FAS: variants seen among roughly 807,000 people sequenced by gnomAD.
FAS encodes Fas cell surface death receptor.
FAS carries 5 observed loss-of-function variants against 33.2 expected under a neutral mutation model. The ratio of observed to expected loss-of-function variants is 0.15; its 90% CI spans 0.08 to 0.32. The LOEUF (loss-of-function observed/expected upper bound fraction) is 0.32. Ranked by LOEUF, FAS falls within the 10% of genes least tolerant of loss-of-function variation. The pLI, the probability that FAS is intolerant of heterozygous loss-of-function variation, is 1.00. For synonymous variants in FAS, 131 were observed against 130.7 expected (o/e 1.00, Z -0.01); for missense variants, 339 against 386.0 (o/e 0.88, Z 1.02).
Position 89,004,381 on chromosome 10 carries a change from A to G in FAS, c.196+1187A>G, listed in dbSNP as rs1787797127. 3.3e-5 allele frequency among the ~76,000 whole-genome samples: 5 copies of G among 152,246 alleles called. No homozygotes were observed. In the South Asian group the frequency reaches 1.0e-3, roughly 32 times the overall value. On this transcript the variant is annotated intron_variant, in intron 2 of 8. Coordinates refer to ENST00000652046, the MANE Select transcript of FAS (RefSeq NM_000043.6). Reference sequence around the variant, plus strand: ...TTTTTAACTTTTTTTTCTTATTATTATACTTTAAGTTTTAGGGTACACATG... The same window carrying G: ...TTTTTAACTTTTTTTTCTTATTATTGTACTTTAAGTTTTAGGGTACACATG...
Position 89,003,251 on chromosome 10 carries a change from A to C in FAS, c.196+57A>C. On this transcript the variant is annotated intron_variant, in intron 2 of 8. Coordinates refer to ENST00000652046, the MANE Select transcript of FAS (RefSeq NM_000043.6). ...TGAAAGTCACAGTTAGGAGTAGCAC[A>C]TAGTAATCATGACTATAATAATTTT... The C allele has an allele frequency of 6.3e-6, 10 of 1,591,372 alleles. No individual in the cohort carries two copies. In the South Asian group the frequency reaches 8.9e-5, roughly 14 times the overall value.
chr10:88,969,836 G>T (rs1846392427), intron 1 of FAS, among the ~76,000 whole-genome samples: 1 of 152,174 alleles, frequency 6.6e-6, no homozygotes. Flanking sequence ...TCATATCCCA[G>T]TATCTAGCAC....
exon 2 of FAS, chr10:88,973,279 T>C: frequency 1.2e-6 from 2 of 1,612,286 alleles, no homozygotes; most frequent in Non-Finnish European, 1.7e-6. Flanking sequence ...CTCTTGGGGA[T>C]CTCTAGGTCA....
Position 89,014,538 on chromosome 10 carries a change from T to C in FAS, c.*88T>C, listed in dbSNP as rs886047461. The C allele has an allele frequency of 3.3e-6, 4 of 1,215,308 alleles. No homozygotes were observed. The East Asian group carries it at 9.8e-5, about 30-fold the overall frequency. The allele number at this position is 1,215,308 out of a possible 1,614,324, so 75.3% of individuals were successfully genotyped here. ...GCTGGCTGTAAATACTGCTTGGTTT[T>C]TTACTGGGTACATTTTATCATTTAT... On this transcript the variant is annotated 3_prime_UTR_variant, in exon 9 of 9. Transcript: ENST00000652046.
intron 1 of FAS, chr10:88,973,079 C>A: frequency 7.5e-7 from 1 of 1,331,678 alleles, no homozygotes; most frequent in Non-Finnish European, 1.0e-6. Flanking sequence ...CTTAGTCTTT[C>A]AAAAAATAAT....
At chr10:88,996,625 A>G (rs1254987843) in intron 1 of FAS, among the ~76,000 whole-genome samples, 1 of 152,194 alleles carries the variant, frequency 6.6e-6, no homozygotes, top group Non-Finnish European at 1.5e-5. Flanking sequence ...AAAGAAAATG[A>G]TAAGTATGTG....
chr10:88,994,904 A>T (rs931446391), intron 1 of FAS, among the ~76,000 whole-genome samples: 1 of 151,582 alleles, frequency 6.6e-6, no homozygotes. Context: ...TATATATATG[A>T]CTTTTTCTTG....
intron 1 of FAS, among the ~76,000 whole-genome samples, chr10:89,000,141 T>G (rs1847841491): frequency 6.6e-6 from 1 of 152,222 alleles, no homozygotes; most frequent in Non-Finnish European, 1.5e-5. Context: ...TATGCTGGTT[T>G]AAGAAAATAT....
intron 2 of FAS, among the ~76,000 whole-genome samples, chr10:88,978,366 A>T (rs943962711): frequency 9.2e-5 from 14 of 151,622 alleles, no homozygotes; most frequent in Admixed American, 3.3e-4. Flanking sequence ...AACCTGCATA[A>T]TGTGCACATG....
Position 89,014,606 on chromosome 10 carries a change from A to G in FAS, c.*156A>G. ...CATATTTGTAGATTTTTAATATCTCATGATTCTGCCTCCAAGGATGTTTAA... is the reference window on the plus strand; with the variant it reads ...CATATTTGTAGATTTTTAATATCTCGTGATTCTGCCTCCAAGGATGTTTAA... On this transcript the variant is annotated 3_prime_UTR_variant, in exon 9 of 9. Transcript: ENST00000652046. 2 of 801,728 alleles carry G rather than the reference A, an allele frequency of 2.5e-6. No homozygotes were observed. The highest frequency in any genetic ancestry group is 1.5e-5 in the South Asian group (1 of 68,748). 49.7% of individuals were successfully genotyped at this position (801,728 alleles called of 1,614,324 possible). A position where few individuals can be genotyped will look rare whatever the true frequency, so the allele number is the denominator to read the frequency against.
chr10:89,007,571 A>T, intron 2 of FAS, 129 bp from the exon 3 acceptor site: 4 of 1,070,708 alleles, frequency 3.7e-6, no homozygotes, highest in East Asian at 2.7e-5. Flanking sequence ...TTGTATTTAT[A>T]TCTCATTAGC....
At chr10:89,013,080 C>T (rs1289178991) in intron 7 of FAS, among the ~76,000 whole-genome samples, 1 of 152,052 alleles carries the variant, frequency 6.6e-6, no homozygotes, top group Non-Finnish European at 1.5e-5. Context: ...TAACCTCAAC[C>T]TATTTTATGA....
rs9658698 is a variant in FAS, at chr10:88,996,890, T to G, written c.30+5984T>G. 7.6e-3 allele frequency among the ~76,000 whole-genome samples: 1,153 copies of G among 152,354 alleles called. 10 individuals carry two copies. The highest frequency in any genetic ancestry group is 0.026 in the African/African-American group (1,090 of 41,576). On this transcript the variant is annotated intron_variant, in intron 1 of 8. Transcript: ENST00000652046. ...TCCCTTATCCCAGGTTGCTTTATTC[T>G]TGTATGACCCACGTGGCCCCTCTGG...
upstream of FAS, among the ~76,000 whole-genome samples, chr10:88,987,002 T>C (rs564870251): frequency 4.3e-4 from 65 of 152,344 alleles, no homozygotes; most frequent in South Asian, 0.011. Flanking sequence ...ACAATGTCTA[T>C]ATGATTAGAT....
chr10:89,003,372 C>T (rs1848045156), intron 2 of FAS, among the ~76,000 whole-genome samples, 178 bp downstream of exon 2: 1 of 152,100 alleles, frequency 6.6e-6, no homozygotes, highest in Non-Finnish European at 1.5e-5. Context: ...ATTTATCACG[C>T]TTATTTGATG....
intron 2 of FAS, among the ~76,000 whole-genome samples, chr10:89,004,682 G>T (rs180852354): frequency 6.6e-6 from 1 of 152,098 alleles, no homozygotes; most frequent in Non-Finnish European, 1.5e-5. Flanking sequence ...GACTGAAATA[G>T]TATGTATCAA....
At chr10:89,000,826 C>A (rs554472180) in intron 1 of FAS, among the ~76,000 whole-genome samples, 5 of 152,272 alleles carry the variant, frequency 3.3e-5, no homozygotes, top group African/African-American at 1.2e-4. Context: ...GCGGGAGCAT[C>A]TTCTGAGGTC....
intron 7 of FAS, 122 bp from the exon 8 acceptor site, chr10:89,013,221 T>C: frequency 1.1e-6 from 1 of 895,236 alleles, no homozygotes; most frequent in Non-Finnish European, 1.7e-6. Context: ...TTCCTAATTT[T>C]ATACATCAAG....
intron 1 of FAS, among the ~76,000 whole-genome samples, chr10:88,971,593 T>G (rs751791099): frequency 6.6e-6 from 1 of 152,228 alleles, no homozygotes; most frequent in Non-Finnish European, 1.5e-5. Context: ...TTTGCCTTTT[T>G]TTCTTATAAT....
Sources: allele counts gnomAD v4.1 joint callset (sites outside exome capture counted in the v4.1 genomes callset), GRCh38; gene constraint gnomAD v4.1.1; transcripts MANE v1.5; gene names NCBI Gene and HGNC (gene_info 2026-07-23, HGNC 2026-07-21).